Variants in PDE1C observed in about 807,000 individuals in gnomAD.
PDE1C encodes phosphodiesterase 1C.
In PDE1C, 62 loss-of-function variants were observed where a neutral mutation model predicts 93.1. The observed-to-expected ratio is 0.67, with a 90% CI of 0.54 to 0.82. The LOEUF (loss-of-function observed/expected upper bound fraction) is 0.82. Among genes scored for constraint, PDE1C ranks in the 40% least tolerant of loss-of-function variants. The pLI is 0.00. For missense variants in PDE1C, 742 were observed against 884.6 expected, an observed-to-expected ratio of 0.84 and a Z score of 2.04; for synonymous variants, 325 against 310.1, an observed-to-expected ratio of 1.05 and a Z score of -0.50.
At chr7:32,242,325 G>T (rs1808603633) in intron 1 of PDE1C, among the ~76,000 whole-genome samples, 1 of 152,176 alleles carries the variant, frequency 6.6e-6, no homozygotes. Flanking sequence ...AACAATTGTT[G>T]AAGGTGGGCA....
At chr7:32,409,942 G>A (rs1157013008) in intron 1 of PDE1C, among the ~76,000 whole-genome samples, 2 of 151,780 alleles carry the variant, frequency 1.3e-5, no homozygotes, top group African/African-American at 4.8e-5. Context: ...AAATAAGAAG[G>A]CTCACTCTCA....
chr7:31,735,480 A>G, the PDE1C span, among the ~76,000 whole-genome samples: 2 of 151,680 alleles, frequency 1.3e-5, no homozygotes, highest in Non-Finnish European at 2.9e-5. Context: ...CAGGCCTGCT[A>G]TTGCCTCATC....
intron 1 of PDE1C, among the ~76,000 whole-genome samples, chr7:32,241,654 G>A (rs1219782460): frequency 1.3e-5 from 2 of 152,164 alleles, no homozygotes; most frequent in East Asian, 3.8e-4. Context: ...TTTAAAAATG[G>A]AGGCCATTAG....
At chr7:31,810,922 T>C (rs1014591535) in intron 15 of PDE1C, among the ~76,000 whole-genome samples, 2 of 152,140 alleles carry the variant, frequency 1.3e-5, no homozygotes, top group African/African-American at 4.8e-5. Context: ...ACAAACCACA[T>C]ACTTGCAATG....
chr7:31,917,718 T>C (rs1180861264), intron 2 of PDE1C, among the ~76,000 whole-genome samples: 1 of 152,208 alleles, frequency 6.6e-6, no homozygotes, highest in African/African-American at 2.4e-5. Flanking sequence ...TGGCCAGCTA[T>C]TGGTCCATGC....
intron 2 of PDE1C, among the ~76,000 whole-genome samples, chr7:31,931,299 T>C (rs1804215722): frequency 6.6e-6 from 1 of 152,206 alleles, no homozygotes; most frequent in Non-Finnish European, 1.5e-5. Flanking sequence ...GGTCAAATTG[T>C]CTCTGTTTGC....
At chr7:31,720,014 T>A in the PDE1C span, among the ~76,000 whole-genome samples, 2 of 151,268 alleles carry the variant, frequency 1.3e-5, no homozygotes, top group South Asian at 4.2e-4. Flanking sequence ...ATACAAAAAA[T>A]TAGCCGGGCG....
chr7:31,657,540 T>C, the PDE1C span, among the ~76,000 whole-genome samples: 2 of 152,208 alleles, frequency 1.3e-5, no homozygotes, highest in Non-Finnish European at 2.9e-5. Context: ...GGAATGCTTT[T>C]AAACCACCAT....
At chr7:31,923,795 G>C (rs773565674) in intron 2 of PDE1C, among the ~76,000 whole-genome samples, 4 of 152,100 alleles carry the variant, frequency 2.6e-5, no homozygotes, top group Non-Finnish European at 5.9e-5. Flanking sequence ...GCAACAAAGT[G>C]AGACCTGATT....
rs1413584217 is a variant in PDE1C, at chr7:32,090,049, A to G, written c.308+79736T>C. On this transcript the variant is annotated intron_variant, in intron 3 of 18. Transcript: ENST00000396193. ...ATTTCTTGCATCTAGCAACAGATGC[A>G]AGAAATCAAAAGAAAATGTTTTCCT... 2.0e-5 allele frequency among the ~76,000 whole-genome samples: 3 copies of G among 152,238 alleles called. No homozygotes were observed. The East Asian group carries it at 5.8e-4, about 29-fold the overall frequency.
chr7:32,335,432 A>G (rs1023749733), intron 1 of PDE1C, among the ~76,000 whole-genome samples: 1 of 152,218 alleles, frequency 6.6e-6, no homozygotes, highest in Non-Finnish European at 1.5e-5. Context: ...GGGCTTCCAT[A>G]GCAAAGTACC....
At chr7:32,085,392 A>C (rs1392017604) in intron 3 of PDE1C, among the ~76,000 whole-genome samples, 1 of 144,612 alleles carries the variant, frequency 6.9e-6, no homozygotes, top group Non-Finnish European at 1.5e-5. Context: ...GTCCAGGACC[A>C]GATGGATTCA....
intron 9 of PDE1C, among the ~76,000 whole-genome samples, chr7:31,841,322 A>T (rs1791869582): frequency 6.6e-6 from 1 of 151,244 alleles, no homozygotes; most frequent in African/African-American, 2.4e-5. Context: ...TGCAAAATTC[A>T]TTATCGGTTC....
At chr7:32,130,673 C>T (rs935835417) in intron 3 of PDE1C, among the ~76,000 whole-genome samples, 4 of 152,032 alleles carry the variant, frequency 2.6e-5, no homozygotes, top group African/African-American at 9.7e-5. Flanking sequence ...ACCAAAAAAT[C>T]TAGCCAGCAG....
chr7:32,101,600 A>G (rs948208846), intron 3 of PDE1C, among the ~76,000 whole-genome samples: 1 of 152,128 alleles, frequency 6.6e-6, no homozygotes, highest in African/African-American at 2.4e-5. Context: ...TCACCATGTG[A>G]CATGCTAGCT....
chr7:32,393,244 A>G (rs1784785062), intron 1 of PDE1C, among the ~76,000 whole-genome samples: 1 of 152,080 alleles, frequency 6.6e-6, no homozygotes, highest in South Asian at 2.1e-4. Flanking sequence ...GTTGTCATGG[A>G]ATTTCTAGTC....
At chr7:31,651,884 G>T in the PDE1C span, 2 of 1,267,442 alleles carry the variant, frequency 1.6e-6, no homozygotes, top group Non-Finnish European at 2.2e-6. Flanking sequence ...GACAATGGAA[G>T]ATTGCACCTG....
intron 1 of PDE1C, among the ~76,000 whole-genome samples, chr7:32,210,853 A>G (rs1455607308): frequency 6.6e-6 from 1 of 152,182 alleles, no homozygotes; most frequent in Non-Finnish European, 1.5e-5. Flanking sequence ...GTTATATAAA[A>G]ATGACCAGCA....
chr7:32,083,241 A>G (rs1309271477), intron 3 of PDE1C, among the ~76,000 whole-genome samples: 4 of 151,748 alleles, frequency 2.6e-5, no homozygotes, highest in East Asian at 1.9e-4. Flanking sequence ...AACTGGAAGA[A>G]AGGGTATCAG....
Sources: allele counts gnomAD v4.1 joint callset (sites outside exome capture counted in the v4.1 genomes callset), GRCh38; gene constraint gnomAD v4.1.1; transcripts MANE v1.5; gene names NCBI Gene and HGNC (gene_info 2026-07-23, HGNC 2026-07-21).